The following TDRP variants were observed in gnomAD, a reference collection of about 807,000 sequenced individuals.
TDRP encodes the protein testis development related protein.
TDRP carries 12 observed loss-of-function variants against 10.5 expected under a neutral mutation model. The ratio of observed to expected loss-of-function variants is 1.15; its 90% CI spans 0.73 to 1.86. The LOEUF is 1.86. Among genes scored for constraint, TDRP ranks in the 40% most tolerant of loss-of-function variants. The probability of loss-of-function intolerance (pLI) is 0.00; values close to 1 mark genes in which losing one functional copy is unlikely to be tolerated. For missense variants in TDRP, 353 were observed against 229.2 expected (o/e 1.54, Z -3.49); for synonymous variants, 139 against 95.4 (o/e 1.46, Z -2.67).
intron 1 of TDRP, among the ~76,000 whole-genome samples, chr8:531,240 T>C (rs1802187237): frequency 6.6e-6 from 1 of 152,186 alleles, no homozygotes; most frequent in Non-Finnish European, 1.5e-5. Flanking sequence ...CTGTGACTTC[T>C]AAACTGGTTT....
intron 1 of TDRP, among the ~76,000 whole-genome samples, chr8:508,072 T>A (rs1185699211): frequency 6.6e-6 from 1 of 152,010 alleles, no homozygotes; most frequent in Admixed American, 6.6e-5. Context: ...AGAACCATTA[T>A]AAATATGTTA....
intron 1 of TDRP, among the ~76,000 whole-genome samples, chr8:540,642 T>C (rs977783241): frequency 6.6e-6 from 1 of 152,060 alleles, no homozygotes; most frequent in African/African-American, 2.4e-5. Flanking sequence ...TGTGTATTTA[T>C]GACCAAAAAA....
intron 1 of TDRP, among the ~76,000 whole-genome samples, chr8:506,562 C>T (rs966558046): frequency 6.6e-6 from 1 of 152,234 alleles, no homozygotes; most frequent in African/African-American, 2.4e-5. Flanking sequence ...GCACTGCAAA[C>T]AGTGGAGCCC....
intron 1 of TDRP, among the ~76,000 whole-genome samples, chr8:509,429 A>G (rs1801551899): frequency 6.6e-6 from 1 of 152,210 alleles, no homozygotes; most frequent in South Asian, 2.1e-4. Flanking sequence ...CTCAAACCTC[A>G]ATTCTTGACT....
intron 1 of TDRP, among the ~76,000 whole-genome samples, chr8:496,019 T>C (rs1801122218): frequency 6.6e-6 from 1 of 152,184 alleles, no homozygotes; most frequent in South Asian, 2.1e-4. Context: ...ATGAATCAGA[T>C]ACTGGGATAG....
At chr8:501,548 T>C (rs149355662) in intron 1 of TDRP, among the ~76,000 whole-genome samples, 6,793 of 152,120 alleles carry the variant, frequency 0.045, 221 homozygotes, top group Non-Finnish European at 0.07. Flanking sequence ...GGTTTCACTA[T>C]GTTGGCCCGG....
At position 541,647 on chromosome 8, in the gene TDRP, G is replaced by A. The variant is rs143768324; in HGVS notation, c.108+3003C>T. ...AAAGGGACACAGATGACAAGTATGC[G>A]TCTGAAAAGATGCTCATGTCATTTA... On this transcript the variant is annotated intron_variant, in intron 1 of 2. Transcript: ENST00000324079. 9.3e-3 allele frequency among the ~76,000 whole-genome samples: 1,419 copies of A among 152,266 alleles called. 14 individuals are homozygous for A. The highest frequency in any genetic ancestry group is 0.015 in the Non-Finnish European group (987 of 68,030).
At chr8:525,692 T>C (rs1429932523) in intron 1 of TDRP, among the ~76,000 whole-genome samples, 1 of 151,660 alleles carries the variant, frequency 6.6e-6, no homozygotes, top group Non-Finnish European at 1.5e-5. Flanking sequence ...ATACAATGGA[T>C]ACACAAAAAA....
intron 1 of TDRP, among the ~76,000 whole-genome samples, chr8:527,637 C>A (rs1176630208): frequency 6.6e-6 from 1 of 152,036 alleles, no homozygotes; most frequent in Non-Finnish European, 1.5e-5. Flanking sequence ...ACAAAGATAC[C>A]AAGAACATAC....
chr8:539,703 G>A (rs1188853096), intron 1 of TDRP, among the ~76,000 whole-genome samples: 2 of 152,104 alleles, frequency 1.3e-5, no homozygotes, highest in South Asian at 2.1e-4. Flanking sequence ...CCACATACCC[G>A]CCCTCCAGCA....
At chr8:511,106 G>A (rs576951330) in intron 1 of TDRP, among the ~76,000 whole-genome samples, 1 of 152,172 alleles carries the variant, frequency 6.6e-6, no homozygotes, top group African/African-American at 2.4e-5. Flanking sequence ...AAACAAAAAG[G>A]GAAATGGCAG....
Position 489,985 on chromosome 8 carries a change from C to T in TDRP, c.*2414G>A, listed in dbSNP as rs988953591. 9.2e-5 allele frequency: 14 copies of T among 152,132 alleles called. No individual in the cohort carries two copies. Among genetic ancestry groups the T allele is most frequent in the African/African-American group, 3.4e-4 (14 of 41,430 alleles). The allele number at this position is 152,132 out of a possible 1,614,324, so 9.4% of individuals were successfully genotyped here. The stretch of plus-strand genomic sequence containing the variant: ...TATTTTTATTTTTAAAAAACCTCAA[C>T]ATTAAGGAGGAACCCTTCTCTGAAG... On this transcript the variant is annotated 3_prime_UTR_variant, in exon 3 of 3. Transcript: ENST00000324079.
At chr8:534,674 G>A (rs1219315761) in intron 1 of TDRP, among the ~76,000 whole-genome samples, 1 of 152,218 alleles carries the variant, frequency 6.6e-6, no homozygotes, top group Non-Finnish European at 1.5e-5. Flanking sequence ...GCCTCAGCTG[G>A]GAAGGAGCTC....
chr8:526,108 T>C (rs1802027908), intron 1 of TDRP, among the ~76,000 whole-genome samples: 1 of 152,190 alleles, frequency 6.6e-6, no homozygotes, highest in Admixed American at 6.5e-5. Flanking sequence ...CTTTAGTGAG[T>C]AGCCTTTAGT....
At chr8:505,519 G>A (rs1486876630) in intron 1 of TDRP, among the ~76,000 whole-genome samples, 1 of 152,212 alleles carries the variant, frequency 6.6e-6, no homozygotes, top group African/African-American at 2.4e-5. Flanking sequence ...GGTGCAGGAA[G>A]GTTGCTAGAA....
chr8:503,143 C>A lies in TDRP; in HGVS notation c.109-8546G>T, dbSNP rs527407300. ...CAATGCCCACCTCAGCATGTGTCAACACAGAATCCAGAGCCACGCATCAGA... is the reference window on the plus strand; with the variant it reads ...CAATGCCCACCTCAGCATGTGTCAAAACAGAATCCAGAGCCACGCATCAGA... On this transcript the variant is annotated intron_variant, in intron 1 of 2. Coordinates refer to ENST00000324079, the MANE Select transcript of TDRP (RefSeq NM_001384899.1). Among the ~76,000 whole-genome samples, 95 of 152,144 alleles carry A rather than the reference C, an allele frequency of 6.2e-4. 1 individual carries two copies. Among genetic ancestry groups the A allele is most frequent in the Non-Finnish European group, 1.2e-3 (79 of 68,012 alleles).
chr8:536,820 C>G (rs1054770545), intron 1 of TDRP, among the ~76,000 whole-genome samples: 21 of 152,140 alleles, frequency 1.4e-4, no homozygotes, highest in Non-Finnish European at 2.9e-4. Context: ...CCAGCTGAAT[C>G]CGGAGCGAAT....
intron 1 of TDRP, among the ~76,000 whole-genome samples, chr8:507,873 A>T (rs1393970694): frequency 2.0e-5 from 3 of 152,228 alleles, no homozygotes; most frequent in Non-Finnish European, 4.4e-5. Flanking sequence ...ACACAAGTTT[A>T]CCTATATAAC....
At chr8:544,874 CG>C (rs1802597798), upstream of TDRP, 4 of 661,124 alleles carry the variant, frequency 6.1e-6, no homozygotes, top group South Asian at 7.7e-5. Flanking sequence ...GTGGGCCGGG[CG>C]GGGCTAGGCG....
Sources: gnomAD v4.1 joint callset for allele counts (sites outside exome capture counted in the v4.1 genomes callset) on GRCh38, gnomAD v4.1.1 for gene constraint, MANE v1.5 for transcripts, NCBI Gene and HGNC (gene_info 2026-07-23, HGNC 2026-07-21) for gene names.